The following RUFY4 variants were observed in gnomAD, a reference collection of about 807,000 sequenced individuals.
The protein encoded by RUFY4 is RUN and FYVE domain containing 4.
In RUFY4, 73 loss-of-function variants were observed where a neutral mutation model predicts 69.0. That is an observed-to-expected ratio of 1.06 (90% CI 0.88 to 1.29). The LOEUF is 1.29. Among genes scored for constraint, RUFY4 ranks in the 50% most tolerant of loss-of-function variants. RUFY4 has a pLI of 0.00. For missense variants in RUFY4, 770 were observed against 705.6 expected (o/e 1.09, Z -1.03); for synonymous variants, 287 against 271.8 (o/e 1.06, Z -0.55).
intron 8 of RUFY4, among the ~76,000 whole-genome samples, chr2:218,078,227 A>C (rs754689522): frequency 6.6e-6 from 1 of 152,228 alleles, no homozygotes; most frequent in Non-Finnish European, 1.5e-5. Context: ...TAAAGCAGAC[A>C]AGAGGAATGG....
At chr2:218,075,369 C>G (rs772046657) in exon 7 of RUFY4, 2 of 1,613,062 alleles carry the variant, frequency 1.2e-6, no homozygotes, top group African/African-American at 2.7e-5. Flanking sequence ...GAACTCAACA[C>G]CCAGCACCCA....
chr2:218,075,922 C>T (rs771068702), intron 7 of RUFY4, among the ~76,000 whole-genome samples, 182 bp downstream of exon 9: 9 of 152,164 alleles, frequency 5.9e-5, no homozygotes, highest in South Asian at 2.1e-4. Flanking sequence ...CCACAGTCCC[C>T]GCCTCTCCCT....
At chr2:218,076,610 G>A in intron 8 of RUFY4, 77 bp downstream of exon 10, 5 of 1,522,978 alleles carry the variant, frequency 3.3e-6, no homozygotes, top group Non-Finnish European at 4.4e-6. Context: ...TCAAGCCAGT[G>A]AGGTCTTGTG....
chr2:218,054,339 G>C lies in RUFY4; in HGVS notation c.-1157-4256G>C, dbSNP rs529679694. Among the ~76,000 whole-genome samples the C allele has an allele frequency of 3.3e-5, 5 of 152,254 alleles. No homozygotes were observed. In the East Asian group the frequency reaches 9.6e-4, roughly 29 times the overall value. On this transcript the variant is annotated intron_variant and NMD_transcript_variant, in intron 2 of 13. Coordinates refer to the RUFY4 transcript ENST00000457754. ...GGAGGTCGAGGCGGGAAGATCACTT[G>C]AGGTCAGGTGCTCGAGACCAGCCTG... is the stretch of plus-strand genomic sequence containing the variant.
At chr2:218,080,791 C>T (rs1689743522) in intron 8 of RUFY4, among the ~76,000 whole-genome samples, 1 of 152,130 alleles carries the variant, frequency 6.6e-6, no homozygotes, top group Non-Finnish European at 1.5e-5. Context: ...CCACTTGGCA[C>T]CAGTGCCAGG....
At chr2:218,085,131 G>T (rs1254880671) in intron 9 of RUFY4, among the ~76,000 whole-genome samples, 2 of 152,136 alleles carry the variant, frequency 1.3e-5, no homozygotes, top group East Asian at 3.9e-4. Flanking sequence ...TAGGATTAGG[G>T]TTAGCATTAG....
In RUFY4 at chr2:218,072,778, G is replaced by T; in HGVS notation, c.280-1G>T. ...CCATTCTGCCCCTGTGCACTCTGCA[G>T]TTGAAGACCCCTCTGGGGAAAGGCC... On this transcript the variant is annotated splice_acceptor_variant, in intron 3 of 10. Coordinates refer to ENST00000344321, the Ensembl canonical transcript of RUFY4. LOFTEE classifies it high-confidence loss of function. The T allele has an allele frequency of 6.6e-7, 1 of 1,523,172 alleles. No homozygotes were observed. Among genetic ancestry groups the T allele is most frequent in the African/African-American group, 1.4e-5 (1 of 72,680 alleles). 94.4% of individuals were successfully genotyped at this position (1,523,172 alleles called of 1,614,324 possible).
chr2:218,078,438 A>G (rs1689685024), intron 8 of RUFY4, among the ~76,000 whole-genome samples: 1 of 152,118 alleles, frequency 6.6e-6, no homozygotes, highest in South Asian at 2.1e-4. Context: ...AGGAACATCC[A>G]AGGAGGCCTT....
intron 2 of RUFY4, among the ~76,000 whole-genome samples, chr2:218,049,111 G>T (rs191227733): frequency 1.8e-3 from 271 of 152,278 alleles, no homozygotes; most frequent in African/African-American, 6.2e-3. Context: ...GGGTCATATG[G>T]TTCACAGCAT....
At chr2:218,067,428 C>T (rs1689366376), upstream of RUFY4, among the ~76,000 whole-genome samples, 1 of 152,206 alleles carries the variant, frequency 6.6e-6, no homozygotes, top group African/African-American at 2.4e-5. Flanking sequence ...GGATCAGCAC[C>T]CAGTAGATGT....
At chr2:218,061,814 A>T (rs1689201304) in intron 3 of RUFY4, among the ~76,000 whole-genome samples, 1 of 152,218 alleles carries the variant, frequency 6.6e-6, no homozygotes, top group African/African-American at 2.4e-5. Flanking sequence ...GTTCAGAAAC[A>T]TGAGATGCCA....
chr2:218,064,196 T>A (rs1443246548), intron 3 of RUFY4, among the ~76,000 whole-genome samples: 1 of 152,006 alleles, frequency 6.6e-6, no homozygotes, highest in Admixed American at 6.5e-5. Context: ...GGATGAGGGA[T>A]GGGGAAGCAG....
At chr2:218,085,827 G>A (rs923166046) in intron 9 of RUFY4, among the ~76,000 whole-genome samples, 2 of 152,216 alleles carry the variant, frequency 1.3e-5, no homozygotes, top group Admixed American at 6.5e-5. Context: ...GTAGCAGGTA[G>A]CTCCCTGCCC....
chr2:218,047,377 C>T (rs1688853058), intron 2 of RUFY4, among the ~76,000 whole-genome samples: 1 of 151,982 alleles, frequency 6.6e-6, no homozygotes, highest in Non-Finnish European at 1.5e-5. Flanking sequence ...TTTCATAGAC[C>T]TTCTGCAACT....
At chr2:218,064,595 G>C (rs772897469), upstream of RUFY4, among the ~76,000 whole-genome samples, 2 of 152,196 alleles carry the variant, frequency 1.3e-5, no homozygotes, top group Non-Finnish European at 2.9e-5. Context: ...GTGGCCACCA[G>C]CTGGCAGGGG....
At chr2:218,088,009 A>G (rs1183281929) in intron 9 of RUFY4, among the ~76,000 whole-genome samples, 2 of 152,222 alleles carry the variant, frequency 1.3e-5, no homozygotes, top group Non-Finnish European at 2.9e-5. Flanking sequence ...ATAGGAGCAT[A>G]TTACTTAAAT....
chr2:218,060,480 G>C, intron 3 of RUFY4: 10 of 1,329,542 alleles, frequency 7.5e-6, no homozygotes, highest in Non-Finnish European at 1.1e-5. Flanking sequence ...CAATGAAGGC[G>C]TAGATGAGGG....
At chr2:218,089,460 G>C (rs1032684200) in intron 10 of RUFY4, 98 bp downstream of exon 12, 1 of 1,024,976 alleles carries the variant, frequency 9.8e-7, no homozygotes, top group African/African-American at 1.6e-5. Context: ...CACAGGAACT[G>C]GGTGTTTATA....
At chr2:218,060,837 A>T in intron 3 of RUFY4, 1 of 1,559,454 alleles carries the variant, frequency 6.4e-7, no homozygotes, top group Non-Finnish European at 8.8e-7. Flanking sequence ...CTCATAGCAG[A>T]CTGGGCTAAC....
Sources: gnomAD v4.1 joint callset for allele counts (sites outside exome capture counted in the v4.1 genomes callset) on GRCh38, gnomAD v4.1.1 for gene constraint, MANE v1.5 for transcripts, NCBI Gene and HGNC (gene_info 2026-07-23, HGNC 2026-07-21) for gene names.